The following LIFR variants were observed in gnomAD, a reference collection of about 807,000 sequenced individuals.
LIFR encodes LIF receptor subunit alpha.
Under a neutral mutation model 122.2 loss-of-function variants are expected in LIFR, and 84 were observed. That is an observed-to-expected ratio of 0.69 (90% confidence interval 0.58 to 0.82). LIFR has a LOEUF of 0.82. LIFR is among the 40% of genes least tolerant of loss of function. LIFR has a pLI of 0.00. For missense variants in LIFR, 1,294 were observed against 1,311.6 expected (o/e 0.99, Z 0.21); for synonymous variants, 422 against 434.7 (o/e 0.97, Z 0.36).
In LIFR at chr5:38,479,856, T is replaced by TTTA. The variant is rs766866057; in HGVS notation, c.*1738_*1739insTAA. On this transcript the variant is annotated 3_prime_UTR_variant, in exon 20 of 20. Transcript: ENST00000453190. ...ATTACTGAACATTTCTATGAACTAT[T>TTTA]ATATAGTTTTAATATACTATGTATG... 5.3e-5 allele frequency: 12 copies of TTTA among 226,562 alleles called. No homozygotes were observed. The highest frequency in any genetic ancestry group is 9.7e-5 in the Non-Finnish European group (11 of 113,978). The allele number at this position is 226,562 out of a possible 1,614,324, so 14.0% of individuals were successfully genotyped here. A position where few individuals can be genotyped will look rare whatever the true frequency, so the allele number is the denominator to read the frequency against.
rs148827994 is a variant in LIFR, at chr5:38,478,265, G to A, written c.*3330C>T. ...TGACTTTTTACCACAGTTTCTGAGA[G>A]TGTAATAGTACTAAATGTTCTAAAT... On this transcript the variant is annotated 3_prime_UTR_variant, in exon 20 of 20. Transcript: ENST00000453190. The A allele has an allele frequency of 3.9e-5, 8 of 207,044 alleles. No individual in the cohort carries two copies. Among genetic ancestry groups the A allele is most frequent in the African/African-American group, 1.8e-4 (8 of 43,858 alleles). 12.8% of individuals were successfully genotyped at this position (207,044 alleles called of 1,614,324 possible). A position where few individuals can be genotyped will look rare whatever the true frequency, so the allele number is the denominator to read the frequency against.
intron 13 of LIFR, 45 bp downstream of exon 13, chr5:38,496,337 C>T (rs1286206417): frequency 1.4e-6 from 2 of 1,417,252 alleles, no homozygotes; most frequent in African/African-American, 2.8e-5. Context: ...ACATTTCTCA[C>T]TTTAGTTTCC....
intron 4 of LIFR, among the ~76,000 whole-genome samples, chr5:38,526,675 A>G (rs1311924311): frequency 6.6e-6 from 1 of 152,024 alleles, no homozygotes; most frequent in East Asian, 1.9e-4. Flanking sequence ...TTGCTTTTCA[A>G]TTTTCTTATC....
intron 1 of LIFR, among the ~76,000 whole-genome samples, chr5:38,531,775 G>A (rs76127780): frequency 0.04 from 6,035 of 152,130 alleles, 174 homozygotes; most frequent in Middle Eastern, 0.095. Flanking sequence ...GAGAGAATTC[G>A]AAAAAATATT....
rs1004489017 is a variant in LIFR, at chr5:38,489,275, G to A, written c.2168-30C>T. The A allele has an allele frequency of 1.3e-5, 20 of 1,554,264 alleles. No individual in the cohort carries two copies. The African/African-American group carries it at 2.0e-4, about 16-fold the overall frequency. On this transcript the variant is annotated intron_variant, in intron 15 of 19. Coordinates refer to ENST00000453190, the MANE Select transcript of LIFR (RefSeq NM_001127671.2). ...AAAAGGAAAAAGTCAATTGCTAAAG[G>A]GGAGTGTATGAATACAGAGTAATAC... is the stretch of plus-strand genomic sequence containing the variant.
chr5:38,501,636 G>A (rs1224335190), intron 11 of LIFR, among the ~76,000 whole-genome samples: 3 of 152,024 alleles, frequency 2.0e-5, no homozygotes, highest in Non-Finnish European at 4.4e-5. Flanking sequence ...CCCTACTTGG[G>A]AGGCTGAGGC....
chr5:38,497,130 T>C (rs1456475406), intron 12 of LIFR, among the ~76,000 whole-genome samples: 6 of 152,098 alleles, frequency 3.9e-5, no homozygotes, highest in Admixed American at 3.3e-4. Context: ...CATGAAACCC[T>C]GTCTCTACTA....
In LIFR at chr5:38,577,644, G is replaced by C. The variant is rs548859762; in HGVS notation, c.-20+17617C>G. ...AGAACTTCATCCTCTCAAAAACCAT[G>C]GACGTTTTAGCTCTGTAACCAATGT... On this transcript the variant is annotated intron_variant, in intron 1 of 19. Coordinates refer to the LIFR transcript ENST00000263409. Among the ~76,000 whole-genome samples the C allele has an allele frequency of 5.4e-4, 82 of 152,218 alleles. 1 individual carries two copies. The highest frequency in any genetic ancestry group is 2.0e-3 in the Admixed American group (30 of 15,278).
At chr5:38,556,764 C>A (rs1300090427), upstream of LIFR, 1 of 147,078 alleles carries the variant, frequency 6.8e-6, no homozygotes, top group Non-Finnish European at 1.5e-5. Flanking sequence ...GCGCCCCCGC[C>A]GATCCCCGGC....
chr5:38,564,374 C>T (rs1434565229), intron 1 of LIFR, among the ~76,000 whole-genome samples: 3 of 151,674 alleles, frequency 2.0e-5, no homozygotes, highest in East Asian at 2.0e-4. Context: ...AGACACACCA[C>T]CATGCCTGGC....
chr5:38,483,011 G>A (rs1240487724), intron 18 of LIFR, among the ~76,000 whole-genome samples: 1 of 152,220 alleles, frequency 6.6e-6, no homozygotes, highest in African/African-American at 2.4e-5. Context: ...CTTTACTGAG[G>A]TGGTTAAAAA....
At chr5:38,541,064 A>G (rs1241543914) in intron 1 of LIFR, among the ~76,000 whole-genome samples, 1 of 152,182 alleles carries the variant, frequency 6.6e-6, no homozygotes, top group African/African-American at 2.4e-5. Context: ...TTAACCCCAG[A>G]TATCAAAATC....
At chr5:38,495,718 T>C (rs886815680) in intron 13 of LIFR, among the ~76,000 whole-genome samples, 6 of 152,110 alleles carry the variant, frequency 3.9e-5, no homozygotes, top group African/African-American at 7.2e-5. Flanking sequence ...CAGAGGTCTG[T>C]GGAAGAAGAG....
At chr5:38,506,738 AT>A in intron 7 of LIFR, 106 bp from the exon 8 acceptor site, 1 of 924,846 alleles carries the variant, frequency 1.1e-6, no homozygotes, top group Non-Finnish European at 1.7e-6. Context: ...AAATGAAATA[AT>A]TTACTATTTA....
intron 10 of LIFR, among the ~76,000 whole-genome samples, chr5:38,503,027 T>C (rs888552588): frequency 3.9e-5 from 6 of 152,082 alleles, no homozygotes; most frequent in Admixed American, 1.3e-4. Flanking sequence ...TGCCCTGTAA[T>C]AGTAATAAAA....
intron 1 of LIFR, among the ~76,000 whole-genome samples, chr5:38,544,965 A>G (rs1204811863): frequency 6.6e-6 from 1 of 152,250 alleles, no homozygotes; most frequent in African/African-American, 2.4e-5. Flanking sequence ...GATTATTAAT[A>G]TAAGTTAAAA....
chr5:38,584,752 A>G (rs757422138), intron 1 of LIFR, among the ~76,000 whole-genome samples: 1 of 152,244 alleles, frequency 6.6e-6, no homozygotes, highest in Non-Finnish European at 1.5e-5. Flanking sequence ...AAAGTAGCAG[A>G]TAAGTAGGAT....
intron 13 of LIFR, among the ~76,000 whole-genome samples, chr5:38,495,669 A>C (rs528378810): frequency 6.6e-6 from 1 of 152,224 alleles, no homozygotes; most frequent in Non-Finnish European, 1.5e-5. Flanking sequence ...ATATCGGGGC[A>C]AGAGAGCAAA....
chr5:38,498,042 G>A (rs764853753), intron 12 of LIFR, among the ~76,000 whole-genome samples: 3 of 152,086 alleles, frequency 2.0e-5, no homozygotes, highest in Non-Finnish European at 2.9e-5. Context: ...ATACTGAACT[G>A]CTTTTCATAA....
Sources: gnomAD v4.1 joint callset for allele counts (sites outside exome capture counted in the v4.1 genomes callset) on GRCh38, gnomAD v4.1.1 for gene constraint, MANE v1.5 for transcripts, NCBI Gene and HGNC (gene_info 2026-07-23, HGNC 2026-07-21) for gene names.